The following ATP10D variants were observed in gnomAD, a reference collection of about 807,000 sequenced individuals.
The protein encoded by ATP10D is ATPase phospholipid transporting 10D (putative).
In ATP10D, 89 loss-of-function variants were observed where a neutral mutation model predicts 144.8. The ratio of observed to expected loss-of-function variants is 0.61; its 90% confidence interval spans 0.52 to 0.73. The LOEUF is 0.73. Ranked by LOEUF, ATP10D falls within the 30% of genes least tolerant of loss-of-function variation. The pLI is 0.00. For synonymous variants in ATP10D, 571 were observed against 615.1 expected, an observed-to-expected ratio of 0.93 and a Z score of 1.06; for missense variants, 1,603 against 1,714.8, an observed-to-expected ratio of 0.93 and a Z score of 1.15.
At position 47,561,082 on chromosome 4, in the gene ATP10D, G is replaced by GA; in HGVS notation, c.2668+9dup. On this transcript the variant is annotated splice_region_variant and intron_variant, in intron 14 of 22. Transcript: ENST00000273859. Reference sequence around the variant, plus strand: ...AACAAACTTACATTACTTGGTAGGTGAATTATGTTTGTATTGCCTGAATGG... The same window carrying GA: ...AACAAACTTACATTACTTGGTAGGTGAAATTATGTTTGTATTGCCTGAATGG... The GA allele has an allele frequency of 6.2e-7, 1 of 1,614,068 alleles. No homozygotes were observed. The highest frequency in any genetic ancestry group is 8.5e-7 in the Non-Finnish European group (1 of 1,179,932).
chr4:47,491,371 G>T, intron 1 of ATP10D: 1 of 740,126 alleles, frequency 1.4e-6, no homozygotes, highest in Non-Finnish European at 2.5e-6. Flanking sequence ...TAGATTCACA[G>T]GTATGTGGCC....
In ATP10D at chr4:47,535,940, C is replaced by T. The variant is rs773093019; in HGVS notation, c.922C>T (p.Arg308Trp). 8.1e-6 allele frequency: 13 copies of T among 1,612,724 alleles called. No individual in the cohort carries two copies. The highest frequency in any genetic ancestry group is 4.5e-5 in the East Asian group (2 of 44,872). The change falls in exon 7 of 23, where the codon CGG (arginine) becomes TGG (tryptophan). Residue 308 changes from arginine (R) to tryptophan (W), a missense_variant. Physicochemically the swap from Arg to Trp is moderately radical, Grantham distance 101. Transcript: ENST00000273859. ...TKAMLNNSGPRYKRSKLERRA... is the reference protein window; with the variant it reads ...TKAMLNNSGPWYKRSKLERRA... ...AGCAATGCTGAACAACAGTGGGCCA[C>T]GGTATAAGCGCAGCAAATTAGAAAG... is the stretch of plus-strand genomic sequence containing the variant.
At chr4:47,547,886 CTATT>C (rs1718523606) in intron 10 of ATP10D, among the ~76,000 whole-genome samples, 1 of 152,112 alleles carries the variant, frequency 6.6e-6, no homozygotes, top group African/African-American at 2.4e-5. Context: ...AATATAAAAA[CTATT>C]ATATTATATC....
intron 10 of ATP10D, 111 bp downstream of exon 10, chr4:47,546,973 A>T: frequency 3.0e-6 from 3 of 999,948 alleles, no homozygotes; most frequent in Non-Finnish European, 4.5e-6. Flanking sequence ...CTTAGAAGAG[A>T]CTACATGATT....
chr4:47,552,282 A>G (rs1222605944), intron 10 of ATP10D, among the ~76,000 whole-genome samples: 1 of 152,202 alleles, frequency 6.6e-6, no homozygotes, highest in East Asian at 1.9e-4. Flanking sequence ...TACGTTGACT[A>G]CATAAATAGT....
intron 22 of ATP10D, among the ~76,000 whole-genome samples, chr4:47,589,966 G>A (rs1720954347): frequency 2.6e-5 from 4 of 152,094 alleles, no homozygotes. Flanking sequence ...AAATGAAGAA[G>A]TCAGAGAAAG....
chr4:47,591,414 A>C lies in ATP10D; in HGVS notation c.*33A>C. 6.6e-7 allele frequency: 1 copy of C among 1,510,448 alleles called. No homozygotes were observed. The highest frequency in any genetic ancestry group is 8.9e-7 in the Non-Finnish European group (1 of 1,120,178). The allele number at this position is 1,510,448 out of a possible 1,614,324, so 93.6% of individuals were successfully genotyped here. On this transcript the variant is annotated 3_prime_UTR_variant, in exon 23 of 23. Coordinates refer to ENST00000273859, the MANE Select transcript of ATP10D (RefSeq NM_020453.4). ...CCTTGGAGTTGCAAGTATTCTTTCA[A>C]GGTTGGAAGAGGGATTTTGAAGAGG...
chr4:47,530,125 A>T (rs907450934), intron 5 of ATP10D, among the ~76,000 whole-genome samples: 1 of 152,142 alleles, frequency 6.6e-6, no homozygotes, highest in Non-Finnish European at 1.5e-5. Flanking sequence ...TCCAATTTGA[A>T]TGCCTTTTAT....
At chr4:47,515,701 A>C (rs767056951) in intron 3 of ATP10D, 31 bp downstream of exon 3, 1 of 1,493,790 alleles carries the variant, frequency 6.7e-7, no homozygotes, top group Non-Finnish European at 9.2e-7. Context: ...GCTAAGGACT[A>C]TGTATGTATC....
chr4:47,485,907 G>A (rs1191547062), intron 1 of ATP10D, among the ~76,000 whole-genome samples: 13 of 151,568 alleles, frequency 8.6e-5, no homozygotes, highest in Non-Finnish European at 1.8e-4. Context: ...ACACTCCTTT[G>A]TCATCCCGTT....
chr4:47,528,436 T>G (rs1717368496), intron 5 of ATP10D, among the ~76,000 whole-genome samples: 1 of 151,360 alleles, frequency 6.6e-6, no homozygotes, highest in African/African-American at 2.4e-5. Context: ...TCATTGTTTT[T>G]TATAGCTGAA....
chr4:47,528,365 A>T (rs773177181), intron 5 of ATP10D, among the ~76,000 whole-genome samples: 1 of 150,884 alleles, frequency 6.6e-6, no homozygotes, highest in Non-Finnish European at 1.5e-5. Flanking sequence ...TCTCGTTTTG[A>T]GTTAGTTCAC....
At chr4:47,544,139 A>G (rs896215090) in intron 9 of ATP10D, among the ~76,000 whole-genome samples, 1 of 152,156 alleles carries the variant, frequency 6.6e-6, no homozygotes, top group Non-Finnish European at 1.5e-5. Context: ...ACTAATTTGT[A>G]CCATTTTTGT....
Position 47,512,847 on chromosome 4 carries a change from G to A in ATP10D, c.290+17G>A. 1 of 1,577,152 alleles carries A rather than the reference G, an allele frequency of 6.3e-7. No homozygotes were observed. The highest frequency in any genetic ancestry group is 8.7e-7 in the Non-Finnish European group (1 of 1,154,530). Reference sequence around the variant, plus strand: ...ATTTCACAGGTACTGTTTTATTTTTGAAGAAAACCTTAGAATATCATTCTA... The same window carrying A: ...ATTTCACAGGTACTGTTTTATTTTTAAAGAAAACCTTAGAATATCATTCTA... On this transcript the variant is annotated intron_variant, in intron 2 of 22. Transcript: ENST00000273859.
At chr4:47,546,495 T>C (rs1339725349) in intron 9 of ATP10D, 129 bp from the exon 10 acceptor site, 8 of 779,990 alleles carry the variant, frequency 1.0e-5, no homozygotes, top group Non-Finnish European at 1.8e-5. Context: ...CTATGGGAGG[T>C]AGGCCTTGGC....
At chr4:47,578,362 A>G (rs979660199) in intron 19 of ATP10D, 1 of 152,132 alleles carries the variant, frequency 6.6e-6, no homozygotes, top group Non-Finnish European at 1.5e-5. Context: ...CTTCCCTTCC[A>G]CGAAGCCTCA....
chr4:47,491,901 A>T, intron 1 of ATP10D, among the ~76,000 whole-genome samples: 1 of 151,982 alleles, frequency 6.6e-6, no homozygotes, highest in East Asian at 1.9e-4. Flanking sequence ...GATTATCCTA[A>T]TTTTATCTTT....
chr4:47,514,112 T>A (rs1716503827), intron 2 of ATP10D, among the ~76,000 whole-genome samples: 1 of 152,354 alleles, frequency 6.6e-6, no homozygotes, highest in South Asian at 2.1e-4. Context: ...TTTTTGTAAA[T>A]GTATTCAAGA....
chr4:47,585,845 A>G (rs980018493), intron 21 of ATP10D, among the ~76,000 whole-genome samples: 3 of 152,170 alleles, frequency 2.0e-5, no homozygotes, highest in Admixed American at 1.3e-4. Context: ...TTTTGTGGCC[A>G]AATAGTACTC....
Sources: gnomAD v4.1 joint callset for allele counts (sites outside exome capture counted in the v4.1 genomes callset) on GRCh38, gnomAD v4.1.1 for gene constraint, MANE v1.5 for transcripts, NCBI Gene and HGNC (gene_info 2026-07-23, HGNC 2026-07-21) for gene names.